Variants in DLG2 observed in about 807,000 individuals in gnomAD.
The protein encoded by DLG2 is discs large MAGUK scaffold protein 2, also known as disks large homolog 2.
Under a neutral mutation model 132.5 loss-of-function variants are expected in DLG2, and 45 were observed. That is an observed-to-expected ratio of 0.34 (90% confidence interval 0.27 to 0.44). The LOEUF (loss-of-function observed/expected upper bound fraction) is 0.44. Among genes scored for constraint, DLG2 ranks in the 20% least tolerant of loss-of-function variants. The probability of loss-of-function intolerance (pLI) is 1.00; values close to 1 mark genes in which losing one functional copy is unlikely to be tolerated. For missense variants in DLG2, 1,045 were observed against 1,196.9 expected (o/e 0.87, Z 1.87); for synonymous variants, 424 against 419.6 (o/e 1.01, Z -0.13).
chr11:85,214,053 T>C (rs1399956302), intron 4 of DLG2, among the ~76,000 whole-genome samples: 1 of 152,118 alleles, frequency 6.6e-6, no homozygotes. Flanking sequence ...AGTAGGTTAG[T>C]TCCAGGGCTC....
chr11:85,434,543 C>T (rs918663011), intron 3 of DLG2, among the ~76,000 whole-genome samples: 2 of 152,106 alleles, frequency 1.3e-5, no homozygotes, highest in Non-Finnish European at 2.9e-5. Context: ...ATACTATAAA[C>T]ACCTCTATGC....
chr11:84,720,571 C>A, intron 6 of DLG2: 3 of 756,168 alleles, frequency 4.0e-6, no homozygotes, highest in Non-Finnish European at 4.8e-6. Context: ...CCGAGCCTCT[C>A]GGGGTCTCCC....
intron 3 of DLG2, among the ~76,000 whole-genome samples, chr11:85,536,826 G>A (rs891086993): frequency 1.3e-5 from 2 of 152,260 alleles, no homozygotes; most frequent in African/African-American, 2.4e-5. Flanking sequence ...TCTCTTTCTC[G>A]CTTCCCCTCT....
chr11:84,805,163 C>A (rs1355536577), intron 6 of DLG2, among the ~76,000 whole-genome samples: 1 of 152,070 alleles, frequency 6.6e-6, no homozygotes, highest in Non-Finnish European at 1.5e-5. Context: ...ACAGAGCTAA[C>A]AATGGAGGCT....
chr11:84,377,857 C>T (rs1484424425), intron 7 of DLG2, among the ~76,000 whole-genome samples: 1 of 152,146 alleles, frequency 6.6e-6, no homozygotes, highest in Non-Finnish European at 1.5e-5. Flanking sequence ...ACTGAAGCCA[C>T]CAGCTTCACT....
Position 83,795,992 on chromosome 11 carries a change from C to T in DLG2, c.1723-9200G>A, listed in dbSNP as rs548946862. On this transcript the variant is annotated intron_variant, in intron 17 of 27. Transcript: ENST00000376104. Reference sequence around the variant, plus strand: ...CACTCTTTCCTCATCTGGAAAACTTCTTCTAGTTCTTAAAGACTCAATTCA... The same window carrying T: ...CACTCTTTCCTCATCTGGAAAACTTTTTCTAGTTCTTAAAGACTCAATTCA... Among the ~76,000 whole-genome samples, 4 of 152,358 alleles carry T rather than the reference C, an allele frequency of 2.6e-5. 1 individual carries two copies. The South Asian group carries it at 8.3e-4, about 32-fold the overall frequency.
chr11:83,483,836 G>C (rs1007747983), intron 22 of DLG2, among the ~76,000 whole-genome samples: 9 of 152,120 alleles, frequency 5.9e-5, no homozygotes, highest in Non-Finnish European at 1.3e-4. Context: ...GACTTAGAGG[G>C]TTGCATGATA....
At chr11:84,836,119 T>C (rs1464093479) in intron 6 of DLG2, among the ~76,000 whole-genome samples, 1 of 151,756 alleles carries the variant, frequency 6.6e-6, no homozygotes, top group African/African-American at 2.4e-5. Context: ...TCTCATTATC[T>C]CTGTAAAATA....
chr11:83,599,261 C>T (rs1011196120), intron 19 of DLG2, among the ~76,000 whole-genome samples: 1 of 152,138 alleles, frequency 6.6e-6, no homozygotes, highest in East Asian at 1.9e-4. Flanking sequence ...TATCACCTCT[C>T]GGACTTCCCC....
chr11:83,905,278 T>C (rs889033143), intron 15 of DLG2, among the ~76,000 whole-genome samples: 13 of 152,152 alleles, frequency 8.5e-5, no homozygotes, highest in African/African-American at 2.7e-4. Context: ...ATAAGGGTCA[T>C]GATACATATT....
intron 16 of DLG2, among the ~76,000 whole-genome samples, chr11:83,868,770 G>A (rs900441204): frequency 2.6e-5 from 4 of 152,000 alleles, no homozygotes; most frequent in African/African-American, 7.3e-5. Flanking sequence ...CCATAATTCA[G>A]TATATTTATC....
rs549897173 is a variant in DLG2, at chr11:85,381,203, T to C, written c.41-95838A>G. Among the ~76,000 whole-genome samples, 6 of 152,294 alleles carry C rather than the reference T, an allele frequency of 3.9e-5. No individual in the cohort carries two copies. The East Asian group carries it at 1.2e-3, about 29-fold the overall frequency. On this transcript the variant is annotated intron_variant, in intron 3 of 27. Coordinates refer to ENST00000376104, the MANE Select transcript of DLG2 (RefSeq NM_001142699.3). ...TTGCCATGTACAAATTTGAGCCAAG[T>C]ATTATTATTAGACTTTCTGGTTTTT...
At chr11:84,849,054 G>A (rs2081863959) in intron 6 of DLG2, among the ~76,000 whole-genome samples, 1 of 152,258 alleles carries the variant, frequency 6.6e-6, no homozygotes, top group South Asian at 2.1e-4. Context: ...TTACTTAGCT[G>A]GAGAGCCTAC....
In DLG2 at chr11:84,486,577, T is replaced by C. The variant is rs190026247; in HGVS notation, c.519+47993A>G. Among the ~76,000 whole-genome samples the C allele has an allele frequency of 3.9e-5, 6 of 152,174 alleles. No homozygotes were observed. In the East Asian group the frequency reaches 7.7e-4, roughly 20 times the overall value. ...CAAGATGATTTCCTTCTATTGGAAATAGGTGTGAAAATCTGCCTCAAATGA... is the reference window on the plus strand; with the variant it reads ...CAAGATGATTTCCTTCTATTGGAAACAGGTGTGAAAATCTGCCTCAAATGA... On this transcript the variant is annotated intron_variant, in intron 7 of 27. Coordinates refer to ENST00000376104, the MANE Select transcript of DLG2 (RefSeq NM_001142699.3).
intron 7 of DLG2, among the ~76,000 whole-genome samples, chr11:84,528,846 TAAC>T (rs1187371488): frequency 1.3e-5 from 2 of 152,204 alleles, no homozygotes; most frequent in Non-Finnish European, 2.9e-5. Context: ...ACTGTGATAA[TAAC>T]AACTTGATTA....
At position 84,033,756 on chromosome 11, in the gene DLG2, G is replaced by A. The variant is rs115703812; in HGVS notation, c.919+25559C>T. On this transcript the variant is annotated intron_variant, in intron 11 of 27. Transcript: ENST00000376104. Reference sequence around the variant, plus strand: ...CTTAGTTTTAAAATTTGCCACAGCCGGGCCGGGCGCGGTGGCTCATGCCTG... The same window carrying A: ...CTTAGTTTTAAAATTTGCCACAGCCAGGCCGGGCGCGGTGGCTCATGCCTG... Among the ~76,000 whole-genome samples the A allele has an allele frequency of 4.9e-3, 746 of 152,184 alleles. 3 individuals carry two copies. Among genetic ancestry groups the A allele is most frequent in the African/African-American group, 0.017 (724 of 41,530 alleles).
chr11:85,150,640 C>A (rs1594858571), intron 5 of DLG2, among the ~76,000 whole-genome samples: 1 of 150,656 alleles, frequency 6.6e-6, no homozygotes, highest in East Asian at 2.0e-4. Flanking sequence ...AGCATAATGC[C>A]CTCAAGGTCC....
chr11:84,790,452 G>C (rs1463928726), intron 6 of DLG2, among the ~76,000 whole-genome samples: 1 of 152,078 alleles, frequency 6.6e-6, no homozygotes, highest in African/African-American at 2.4e-5. Flanking sequence ...TTTCTATAGA[G>C]TTGTTTGAGC....
chr11:84,157,234 AT>A (rs1354396797), intron 9 of DLG2, among the ~76,000 whole-genome samples: 2 of 152,168 alleles, frequency 1.3e-5, no homozygotes, highest in African/African-American at 2.4e-5. Context: ...ATCACTGTAT[AT>A]TTTGCATATT....
Sources: allele counts gnomAD v4.1 joint callset (sites outside exome capture counted in the v4.1 genomes callset), GRCh38; gene constraint gnomAD v4.1.1; transcripts MANE v1.5; gene names NCBI Gene and HGNC (gene_info 2026-07-23, HGNC 2026-07-21).